The following PAN2 variants were observed in gnomAD, a reference collection of about 807,000 sequenced individuals.
The protein encoded by PAN2 is poly(A) specific ribonuclease subunit PAN2.
PAN2 carries 68 observed loss-of-function variants against 133.3 expected under a neutral mutation model. The ratio of observed to expected loss-of-function variants is 0.51; its 90% CI spans 0.42 to 0.62. PAN2 has a LOEUF of 0.62. PAN2 is among the 20% of genes least tolerant of loss of function. The probability of loss-of-function intolerance (pLI) is 0.00; values close to 1 mark genes in which losing one functional copy is unlikely to be tolerated. For missense variants in PAN2, 1,042 were observed against 1,500.5 expected, an observed-to-expected ratio of 0.69 and a Z score of 5.05; for synonymous variants, 462 against 544.6, an observed-to-expected ratio of 0.85 and a Z score of 2.11.
intron 8 of PAN2, 72 bp downstream of exon 8, chr12:56,326,241 A>G (rs987953395): frequency 7.3e-7 from 1 of 1,362,562 alleles, no homozygotes; most frequent in Non-Finnish European, 1.0e-6. Flanking sequence ...CAAAAGAAAG[A>G]CTAGTAAAGG....
rs1241630446 is a variant in PAN2, at chr12:56,319,116, G to A, written c.3336C>T (p.Ser1112=). The A allele has an allele frequency of 2.5e-6, 4 of 1,613,976 alleles. No individual in the cohort carries two copies. Among genetic ancestry groups the A allele is most frequent in the Non-Finnish European group, 3.4e-6 (4 of 1,180,036 alleles). ...GAAAGTACCAAGCAAGGAATCGCAG[G>A]GAAATCATTCGTTTTCGGGGCATAT... ...LFHMPRKRMI[S]LRFLAWYFLD... is the part of the protein sequence containing the mutation. Residue 1112 remains serine, a synonymous_variant, in exon 24 of 26, where the codon TCC becomes TCT. Coordinates refer to ENST00000440411, the MANE Select transcript of PAN2 (RefSeq NM_014871.6). The surrounding 1 kb of genome is among the most constrained non-coding windows in gnomAD (Gnocchi z 5.4).
At position 56,324,703 on chromosome 12, in the gene PAN2, A is replaced by T; in HGVS notation, c.1606T>A (p.Tyr536Asn). Residue 536 changes from tyrosine to asparagine, a missense_variant, in exon 11 of 26, where the codon TAT becomes AAT. Tyr to Asn is a moderately radical substitution (Grantham distance 143). This residue lies in a region of PAN2 where 908 missense variants were observed against 1,223.5 expected (regional missense o/e 0.74). Transcript: ENST00000440411. ...AGACAGCGTACAGGCTCCAGGAAAT[A>T]GAGCACCTGGAGGGAAAAGCAGAAG... ...AYCNCMIQVLYFLEPVRCLIQ... is the reference protein window; with the variant it reads ...AYCNCMIQVLNFLEPVRCLIQ... 1.9e-6 allele frequency: 3 copies of T among 1,612,712 alleles called. No individual in the cohort carries two copies. In the Admixed American group the frequency reaches 5.0e-5, roughly 27 times the overall value.
At chr12:56,326,572 C>A in intron 7 of PAN2, 45 bp downstream of exon 7, 1 of 1,558,290 alleles carries the variant, frequency 6.4e-7, no homozygotes, top group East Asian at 2.3e-5. Context: ...TATCTTGGCC[C>A]TTTCCCTGTC....
rs1874012605 is a variant in PAN2 at position 56,317,026 on chromosome 12, G to A, written c.*583C>T. 1 of 152,620 alleles carries A rather than the reference G, an allele frequency of 6.6e-6. No individual in the cohort carries two copies. Among genetic ancestry groups the A allele is most frequent in the Non-Finnish European group, 1.5e-5 (1 of 68,104 alleles). The allele number at this position is 152,620 out of a possible 1,614,324, so 9.5% of individuals were successfully genotyped here. The stretch of plus-strand genomic sequence containing the variant: ...AAAAAATGGAACAAAACTTGGGACA[G>A]GCAAGTGGGATGGAAGACAGATGCT... On this transcript the variant is annotated 3_prime_UTR_variant, in exon 26 of 26. Coordinates refer to ENST00000440411, the MANE Select transcript of PAN2 (RefSeq NM_014871.6).
rs569011195 is a variant in PAN2, at chr12:56,322,929, C to T, written c.2493+133G>A. ...CTGAACTGAGTGACTATGGAAAATCCCCTAACAGGTAAATACTAGGCCTTA... is the reference window on the plus strand; with the variant it reads ...CTGAACTGAGTGACTATGGAAAATCTCCTAACAGGTAAATACTAGGCCTTA... On this transcript the variant is annotated intron_variant, in intron 17 of 25. Transcript: ENST00000440411. 13 of 1,312,336 alleles carry T rather than the reference C, an allele frequency of 9.9e-6. No homozygotes were observed. In the South Asian group the frequency reaches 1.5e-4, roughly 16 times the overall value. 81.3% of individuals were successfully genotyped at this position (1,312,336 alleles called of 1,614,324 possible).
At position 56,328,510 on chromosome 12, in the gene PAN2, C is replaced by T. The variant is rs1169456786; in HGVS notation, c.414G>A (p.Lys138=). 15 of 1,614,230 alleles carry T rather than the reference C, an allele frequency of 9.3e-6. No homozygotes were observed. Among genetic ancestry groups the T allele is most frequent in the Non-Finnish European group, 1.2e-5 (14 of 1,180,034 alleles). The stretch of plus-strand genomic sequence containing the variant: ...TAATGAGGCCCCCACGGGCCATATA[C>T]TTGAGGTTGTTCTTGGTGAGAAAAA... ...GILFLTKNNL[K]YMARGGLIIF... is the part of the protein sequence containing the mutation. Residue 138 remains lysine, a synonymous_variant, in exon 3 of 26, where the codon AAG becomes AAA. Coordinates refer to ENST00000440411, the MANE Select transcript of PAN2 (RefSeq NM_014871.6).
Position 56,328,590 on chromosome 12 carries a change from G to C in PAN2, c.334C>G (p.Gln112Glu), listed in dbSNP as rs771473187. The C allele has an allele frequency of 1.2e-6, 2 of 1,614,046 alleles. No individual in the cohort carries two copies. Among genetic ancestry groups the C allele is most frequent in the African/African-American group, 2.7e-5 (2 of 74,936 alleles). ...CGAATATCATCACTGCCATTGACTT[G>C]AAAGGATGAGTAGCGCTCCAAGGCT... ...GPALERYSSF[Q>E]VNGSDDIRQI... Residue 112 changes from glutamine to glutamate, a missense_variant, in exon 3 of 26, where the codon CAA (glutamine) becomes GAA (glutamate). Physicochemically the swap from Gln to Glu is conservative, Grantham distance 29. Coordinates refer to ENST00000440411, the MANE Select transcript of PAN2 (RefSeq NM_014871.6).
intron 15 of PAN2, 30 bp from the exon 16 acceptor site, chr12:56,323,414 T>A (rs1319769250): frequency 1.9e-6 from 3 of 1,611,520 alleles, no homozygotes. Context: ...ATCCAGTTCT[T>A]CAGGAATGTA....
In PAN2 at chr12:56,328,669, C is replaced by A. The variant is rs1875392364; in HGVS notation, c.283-28G>T. ...ATAGAGGACAAAGACAACAGAGACA[C>A]TTAGAGTGGAGGGGCAAGGGCCACC... On this transcript the variant is annotated intron_variant, in intron 2 of 25. Transcript: ENST00000440411. 1.9e-6 allele frequency: 3 copies of A among 1,606,282 alleles called. No individual in the cohort carries two copies. The African/African-American group carries it at 4.0e-5, about 21-fold the overall frequency.
At chr12:56,326,545 C>A in intron 7 of PAN2, 72 bp downstream of exon 7, 1 of 1,522,020 alleles carries the variant, frequency 6.6e-7, no homozygotes, top group Admixed American at 2.1e-5. Context: ...AACAACAGGG[C>A]TAGCAGAGAA....
At chr12:56,322,904 C>A (rs1874719151) in intron 17 of PAN2, 146 bp from the exon 18 acceptor site, 2 of 1,262,368 alleles carry the variant, frequency 1.6e-6, no homozygotes, top group Admixed American at 2.0e-5. Flanking sequence ...GACCCCAACA[C>A]TGAACTGAGT....
chr12:56,329,864 A>T (rs1875546198), intron 2 of PAN2, among the ~76,000 whole-genome samples: 1 of 149,620 alleles, frequency 6.7e-6, no homozygotes, highest in South Asian at 2.1e-4. Flanking sequence ...GGATTACTTT[A>T]ACCTGGGAGG....
Position 56,332,895 on chromosome 12 carries a change from C to T in PAN2, c.200G>A (p.Ser67Asn). Reference sequence around the variant, plus strand: ...AGGTACACCCACTTCAGCCACCACGCTGTGCAATTCAGAGTAGACACCTTC... The same window carrying T: ...AGGTACACCCACTTCAGCCACCACGTTGTGCAATTCAGAGTAGACACCTTC... The part of the protein sequence containing the change: ...IMEGVYSELH[S>N]VVAEVGVPVS... Residue 67 changes from serine (S) to asparagine (N), a missense_variant, in exon 2 of 26, where the codon AGC (serine) becomes AAC (asparagine). Ser to Asn is a conservative substitution (Grantham distance 46). Coordinates refer to ENST00000440411, the MANE Select transcript of PAN2 (RefSeq NM_014871.6). 1 of 1,614,242 alleles carries T rather than the reference C, an allele frequency of 6.2e-7. No homozygotes were observed. Among genetic ancestry groups the T allele is most frequent in the Non-Finnish European group, 8.5e-7 (1 of 1,180,050 alleles).
At chr12:56,331,055 C>T (rs1177569603) in intron 2 of PAN2, among the ~76,000 whole-genome samples, 1 of 152,114 alleles carries the variant, frequency 6.6e-6, no homozygotes, top group African/African-American at 2.4e-5. Context: ...CTGCTTCGGC[C>T]TCCCAAAGTG....
chr12:56,321,995 G>T, intron 20 of PAN2, 83 bp downstream of exon 20: 1 of 700,768 alleles, frequency 1.4e-6, no homozygotes, highest in Non-Finnish European at 2.6e-6. Flanking sequence ...CCAATCCTAA[G>T]TACTTGCAAG....
chr12:56,323,550 A>T lies in PAN2; in HGVS notation c.2221T>A (p.Cys741Ser). The part of the protein sequence containing the change: ...RHLPDILVIN[C>S]EVNSSKEADF... ...GCCTCTTTTGAGCTGTTCACCTCAC[A>T]ATTGATGACAAGAATATCTGGCAGA... The change falls in exon 15 of 26, where the codon TGT becomes AGT. Residue 741 changes from cysteine to serine, a missense_variant. Physicochemically the swap from Cys to Ser is moderately radical, Grantham distance 112 (BLOSUM62 -1). Transcript: ENST00000440411. 1.2e-6 allele frequency: 2 copies of T among 1,614,228 alleles called. No individual in the cohort carries two copies. Among genetic ancestry groups the T allele is most frequent in the Non-Finnish European group, 1.7e-6 (2 of 1,180,038 alleles).
chr12:56,330,362 T>TC lies in PAN2; in HGVS notation c.283-1722_283-1721insG, dbSNP rs1159219214. ...ACTCAACTGTATTTTTCTTTTTTTT[T>TC]TTTTTTTTTTTTTTTGAGACGGAGT... On this transcript the variant is annotated intron_variant, in intron 2 of 25. Transcript: ENST00000440411. Among the ~76,000 whole-genome samples, 10 of 100,848 alleles carry TC rather than the reference T, an allele frequency of 9.9e-5. No individual in the cohort carries two copies. The South Asian group carries it at 1.1e-3, about 11-fold the overall frequency. 66.2% of individuals were successfully genotyped at this position (100,848 alleles called of 152,430 possible).
At chr12:56,322,568 AC>A in intron 18 of PAN2, 46 bp downstream of exon 18, 1 of 1,611,192 alleles carries the variant, frequency 6.2e-7, no homozygotes, top group Non-Finnish European at 8.5e-7. Context: ...TCTGGGACTC[AC>A]TGTGGCCATC....
Position 56,324,429 on chromosome 12 carries a change from G to C in PAN2, c.1793C>G (p.Ala598Gly), listed in dbSNP as rs1197598206. ...CTTGCCTGAGGCCTCATCTGAGTCA[G>C]CCAGGATTAGACCGAGGGCTGAGGC... ...PEASALGLIL[A>G]DSDEASGKGN... Residue 598 changes from alanine to glycine, a missense_variant, in exon 12 of 26, where the codon GCT becomes GGT. Ala to Gly is a moderately conservative substitution (Grantham distance 60, BLOSUM62 0). This residue lies in a region of PAN2 where 908 missense variants were observed against 1,223.5 expected (regional missense o/e 0.74). Coordinates refer to ENST00000440411, the MANE Select transcript of PAN2 (RefSeq NM_014871.6). The C allele has an allele frequency of 6.2e-7, 1 of 1,614,066 alleles. No individual in the cohort carries two copies. The highest frequency in any genetic ancestry group is 8.5e-7 in the Non-Finnish European group (1 of 1,180,030).
Sources: gnomAD v4.1 joint callset for allele counts (sites outside exome capture counted in the v4.1 genomes callset) on GRCh38, gnomAD v4.1.1 for gene constraint, gnomAD v4.1.1 regional missense constraint, Gnocchi (gnomAD v3.1) non-coding constraint, MANE v1.5 for transcripts, NCBI Gene and HGNC (gene_info 2026-07-23, HGNC 2026-07-21) for gene names.